PAFAH2: variants seen among roughly 807,000 people sequenced by gnomAD.
The protein encoded by PAFAH2 is platelet-activating factor acetylhydrolase 2, cytoplasmic.
Under a neutral mutation model 49.0 loss-of-function variants are expected in PAFAH2, and 42 were observed. The observed-to-expected ratio is 0.86, with a 90% CI of 0.67 to 1.11. The LOEUF (loss-of-function observed/expected upper bound fraction) is 1.11. Among genes scored for constraint, PAFAH2 ranks in the 50% least tolerant of loss-of-function variants. The pLI is 0.00. For synonymous variants in PAFAH2, 184 were observed against 181.3 expected (o/e 1.01, Z -0.12); for missense variants, 503 against 501.8 (o/e 1.00, Z -0.02).
Position 25,972,617 on chromosome 1 carries a change from G to A in PAFAH2, c.1025C>T (p.Pro342Leu). The A allele has an allele frequency of 5.0e-6, 8 of 1,613,940 alleles. No homozygotes were observed. The highest frequency in any genetic ancestry group is 6.8e-6 in the Non-Finnish European group (8 of 1,179,874). Residue 342 changes from proline (P) to leucine (L), a missense_variant, in exon 10 of 11, where the codon CCC becomes CTC. By Grantham distance (98) the Pro-to-Leu change is moderately conservative. Coordinates refer to ENST00000374282, the MANE Select transcript of PAFAH2 (RefSeq NM_000437.4). ...TACCATAACCTCCTGCCCTTCATAG[G>A]GGTCCAGGCTCCCACGGGTTTCAGT... ...FSTETRGSLD[P>L]YEGQEVMVRA...
intron 1 of PAFAH2, among the ~76,000 whole-genome samples, chr1:25,995,310 C>T (rs2049923338): frequency 6.6e-6 from 1 of 152,204 alleles, no homozygotes; most frequent in Admixed American, 6.5e-5. Flanking sequence ...CCTATTCTAG[C>T]AGTTTTCAAC....
Position 25,962,068 on chromosome 1 carries a change from T to A in PAFAH2, c.1100A>T (p.Tyr367Phe). The change falls in exon 11 of 11, where the codon TAT (tyrosine) becomes TTT (phenylalanine). Residue 367 changes from tyrosine to phenylalanine, a missense_variant. Physicochemically the swap from Tyr to Phe is conservative, Grantham distance 22. Transcript: ENST00000374282. ...LQKHLDLKED[Y>F]NQWNNLIEGI... ...TTCAATAAGGTTGTTCCATTGATTATAGTCTTCTTTCAGGTCTGAAAAGGA... is the reference window on the plus strand; with the variant it reads ...TTCAATAAGGTTGTTCCATTGATTAAAGTCTTCTTTCAGGTCTGAAAAGGA... 1 of 1,613,580 alleles carries A rather than the reference T, an allele frequency of 6.2e-7. No individual in the cohort carries two copies. The highest frequency in any genetic ancestry group is 8.5e-7 in the Non-Finnish European group (1 of 1,179,708).
chr1:25,996,589 C>T (rs2049940293), intron 1 of PAFAH2, among the ~76,000 whole-genome samples: 1 of 152,016 alleles, frequency 6.6e-6, no homozygotes, highest in South Asian at 2.1e-4. Flanking sequence ...TTGCAGTGAG[C>T]CGAGATCGCG....
chr1:25,963,722 C>T (rs533650747), intron 10 of PAFAH2, among the ~76,000 whole-genome samples: 8 of 152,272 alleles, frequency 5.3e-5, no homozygotes, highest in South Asian at 2.1e-4. Context: ...AGGACGGTCT[C>T]GATCTCTTGA....
chr1:25,997,212 C>A (rs192406154), intron 1 of PAFAH2, among the ~76,000 whole-genome samples: 24 of 152,316 alleles, frequency 1.6e-4, no homozygotes, highest in Non-Finnish European at 3.1e-4. Flanking sequence ...ATTGGCCTGA[C>A]CTTTGGTCTC....
intron 2 of PAFAH2, among the ~76,000 whole-genome samples, chr1:25,989,869 G>T (rs553997559): frequency 6.6e-6 from 1 of 152,346 alleles, no homozygotes; most frequent in African/African-American, 2.4e-5. Flanking sequence ...ATATTTGAGT[G>T]CTTGGGACAA....
In PAFAH2 at chr1:25,992,074, A is replaced by T. The variant is rs1023034089; in HGVS notation, c.-47-1211T>A. ...GATTCAGTTATACAGATGCAAAGTT[A>T]CTGAACTAAGCTTTTTCTTAAAACC... On this transcript the variant is annotated intron_variant, in intron 1 of 10. Transcript: ENST00000374282. Among the ~76,000 whole-genome samples the T allele has an allele frequency of 2.7e-5, 4 of 149,132 alleles. No homozygotes were observed. In the East Asian group the frequency reaches 8.1e-4, roughly 30 times the overall value.
intron 10 of PAFAH2, among the ~76,000 whole-genome samples, chr1:25,968,378 C>T (rs2049459719): frequency 1.3e-5 from 2 of 151,660 alleles, no homozygotes; most frequent in South Asian, 4.2e-4. Flanking sequence ...CTGGTTGCTT[C>T]CATTTTCTTG....
chr1:25,984,198 G>T, intron 5 of PAFAH2, 111 bp from the exon 6 acceptor site: 1 of 1,284,742 alleles, frequency 7.8e-7, no homozygotes, highest in Non-Finnish European at 1.1e-6. Context: ...CCTTTGGCTA[G>T]TAGGGAAGGA....
intron 1 of PAFAH2, among the ~76,000 whole-genome samples, chr1:25,995,532 T>A (rs1294436290): frequency 1.3e-5 from 2 of 152,218 alleles, no homozygotes; most frequent in East Asian, 3.8e-4. Context: ...TGTCTCTGGA[T>A]GAACTTTTCT....
intron 1 of PAFAH2, among the ~76,000 whole-genome samples, chr1:25,995,583 T>C (rs1011574463): frequency 6.6e-6 from 1 of 152,188 alleles, no homozygotes; most frequent in African/African-American, 2.4e-5. Context: ...GCTTACTGAG[T>C]ATATACTGTG....
At chr1:25,996,220 C>G (rs1417172538) in intron 1 of PAFAH2, among the ~76,000 whole-genome samples, 1 of 151,832 alleles carries the variant, frequency 6.6e-6, no homozygotes, top group African/African-American at 2.4e-5. Context: ...AAAAAATTAG[C>G]TGGATGTGGT....
intron 1 of PAFAH2, among the ~76,000 whole-genome samples, chr1:25,995,749 C>G (rs929943617): frequency 6.6e-6 from 1 of 152,086 alleles, no homozygotes; most frequent in African/African-American, 2.4e-5. Flanking sequence ...TTTTGGCACA[C>G]TTATGCCTCA....
In PAFAH2 at chr1:25,961,929, C is replaced by T. The variant is rs1210969268; in HGVS notation, c.*60G>A. ...CTTCTTGATAGGAGCTCATGGGTGC[C>T]CTTGGGTAGCTCCCAAATGAAAACT... On this transcript the variant is annotated 3_prime_UTR_variant, in exon 11 of 11. Transcript: ENST00000374282. 1.5e-6 allele frequency: 2 copies of T among 1,297,514 alleles called. No individual in the cohort carries two copies. The highest frequency in any genetic ancestry group is 1.1e-6 in the Non-Finnish European group (1 of 895,880). The allele number at this position is 1,297,514 out of a possible 1,614,324, so 80.4% of individuals were successfully genotyped here. A position where few individuals can be genotyped will look rare whatever the true frequency, so the allele number is the denominator to read the frequency against.
chr1:25,980,238 A>G (rs1180025183), intron 7 of PAFAH2, among the ~76,000 whole-genome samples: 3 of 152,250 alleles, frequency 2.0e-5, no homozygotes, highest in East Asian at 3.9e-4. Flanking sequence ...GTTTCTTTCT[A>G]TGTAAAGAGG....
intron 1 of PAFAH2, 86 bp from the exon 2 acceptor site, chr1:25,990,949 C>T (rs1012779289): frequency 3.0e-6 from 2 of 658,926 alleles, no homozygotes; most frequent in Non-Finnish European, 5.5e-6. Context: ...TTACCCTGTC[C>T]ACCCCTCCTT....
chr1:25,973,646 GGC>G (rs2049542766), intron 9 of PAFAH2, among the ~76,000 whole-genome samples: 1 of 152,166 alleles, frequency 6.6e-6, no homozygotes. Context: ...TAGGAAAGAG[GGC>G]CAGGACCAAG....
At chr1:25,984,828 C>T (rs1279432101) in intron 4 of PAFAH2, among the ~76,000 whole-genome samples, 2 of 148,556 alleles carry the variant, frequency 1.3e-5, no homozygotes. Context: ...AACTGGACTT[C>T]AGAGCCAGAG....
chr1:25,972,299 T>C (rs1482715876), intron 10 of PAFAH2, among the ~76,000 whole-genome samples: 1 of 151,450 alleles, frequency 6.6e-6, no homozygotes, highest in East Asian at 1.9e-4. Flanking sequence ...AGTCTCACTA[T>C]GTTGCTCAGA....
Sources: allele counts gnomAD v4.1 joint callset (sites outside exome capture counted in the v4.1 genomes callset), GRCh38; gene constraint gnomAD v4.1.1; transcripts MANE v1.5; gene names NCBI Gene and HGNC (gene_info 2026-07-23, HGNC 2026-07-21).